The following ITGA9 variants were observed in gnomAD, a reference collection of about 807,000 sequenced individuals.
ITGA9 encodes integrin subunit alpha 9, also known as integrin alpha-9.
A neutral mutation model predicts 127.8 loss-of-function variants in ITGA9; 56 were observed. The ratio of observed to expected loss-of-function variants is 0.44; its 90% CI spans 0.35 to 0.55. The LOEUF (loss-of-function observed/expected upper bound fraction) is 0.55, where lower values mean the gene tolerates loss of function less well. ITGA9 is among the 20% of genes least tolerant of loss of function. The pLI is 0.00. For missense variants in ITGA9, 1,196 were observed against 1,347.1 expected, an observed-to-expected ratio of 0.89 and a Z score of 1.76; for synonymous variants, 508 against 514.5, an observed-to-expected ratio of 0.99 and a Z score of 0.17.
intron 15 of ITGA9, among the ~76,000 whole-genome samples, chr3:37,585,796 G>GC (rs3044748): frequency 0.36 from 54,104 of 151,840 alleles, 10,196 homozygotes; most frequent in African/African-American, 0.46. Context: ...GAAGAAGGGG[G>GC]CCCCCCCAAT....
chr3:37,760,593 A>G (rs1449793118), intron 23 of ITGA9, among the ~76,000 whole-genome samples: 1 of 152,252 alleles, frequency 6.6e-6, no homozygotes, highest in Non-Finnish European at 1.5e-5. Context: ...AAACTCTTCA[A>G]TAAATGATAT....
chr3:37,489,691 CTTTTTT>C (rs10579497), intron 4 of ITGA9, among the ~76,000 whole-genome samples: 4 of 132,268 alleles, frequency 3.0e-5, no homozygotes, highest in Non-Finnish European at 6.4e-5. Flanking sequence ...TATAATTGCC[CTTTTTT>C]TTTTTTTTTT....
chr3:37,676,314 C>T (rs1054651603), intron 17 of ITGA9, among the ~76,000 whole-genome samples: 3 of 152,166 alleles, frequency 2.0e-5, no homozygotes, highest in Non-Finnish European at 2.9e-5. Flanking sequence ...AAACTTAATT[C>T]AGACCAGCCA....
At chr3:37,727,534 A>G (rs1696227923) in intron 18 of ITGA9, among the ~76,000 whole-genome samples, 1 of 152,244 alleles carries the variant, frequency 6.6e-6, no homozygotes, top group Admixed American at 6.5e-5. Flanking sequence ...CACTCAAAAC[A>G]TTGTAATTAT....
chr3:37,623,385 A>C (rs779248031), intron 15 of ITGA9, among the ~76,000 whole-genome samples: 6 of 152,196 alleles, frequency 3.9e-5, no homozygotes, highest in Non-Finnish European at 7.3e-5. Flanking sequence ...CCAGAAATTC[A>C]GCTTAGAAAC....
At chr3:37,763,499 T>G (rs1295925981) in intron 23 of ITGA9, among the ~76,000 whole-genome samples, 1 of 152,236 alleles carries the variant, frequency 6.6e-6, no homozygotes, top group African/African-American at 2.4e-5. Flanking sequence ...GAAGTCTCCG[T>G]GTGTGTTCTC....
At chr3:37,506,199 G>A (rs1698842301) in intron 7 of ITGA9, 114 bp downstream of exon 7, 2 of 821,088 alleles carry the variant, frequency 2.4e-6, no homozygotes, top group South Asian at 2.9e-5. Context: ...TGGGTGGCTG[G>A]TGGGGAGGTG....
chr3:37,793,776 A>T (rs1326038294), intron 26 of ITGA9, among the ~76,000 whole-genome samples: 2 of 152,154 alleles, frequency 1.3e-5, no homozygotes, highest in Non-Finnish European at 2.9e-5. Flanking sequence ...CCTGATCTTG[A>T]CCTCGGAGTT....
chr3:37,519,148 C>A, intron 10 of ITGA9, 112 bp from the exon 11 acceptor site: 4 of 714,166 alleles, frequency 5.6e-6, no homozygotes, highest in Admixed American at 2.1e-5. Context: ...GAACAATCAA[C>A]AACCAATAAT....
chr3:37,815,461 T>C lies in ITGA9; in HGVS notation c.3010-3430T>C, dbSNP rs558987658. ...CCGTCTCTACTAAAAATATGAAAAT[T>C]AGCTGGGCAGGGTGGTACACGCCTG... On this transcript the variant is annotated intron_variant, in intron 27 of 27. Transcript: ENST00000264741. Among the ~76,000 whole-genome samples, 20 of 152,134 alleles carry C rather than the reference T, an allele frequency of 1.3e-4. No individual in the cohort carries two copies. In the East Asian group the frequency reaches 2.3e-3, roughly 18 times the overall value.
rs923677467 is a variant in ITGA9 at position 37,659,641 on chromosome 3, G to C, written c.1916+5851G>C. On this transcript the variant is annotated intron_variant, in intron 17 of 27. Coordinates refer to ENST00000264741, the MANE Select transcript of ITGA9 (RefSeq NM_002207.3). ...GGTTAGAACATGCTCCTTTAGCTCAGAGGAGTTTGTTATTACCCACCTTCT... is the reference window on the plus strand; with the variant it reads ...GGTTAGAACATGCTCCTTTAGCTCACAGGAGTTTGTTATTACCCACCTTCT... Among the ~76,000 whole-genome samples the C allele has an allele frequency of 2.0e-5, 3 of 151,988 alleles. 1 individual carries two copies. Among genetic ancestry groups the C allele is most frequent in the South Asian group, 4.2e-4 (2 of 4,812 alleles).
chr3:37,728,757 C>T (rs1040820962), intron 18 of ITGA9, among the ~76,000 whole-genome samples: 1 of 151,816 alleles, frequency 6.6e-6, no homozygotes, highest in Non-Finnish European at 1.5e-5. Flanking sequence ...TTCTCGGTGC[C>T]AGCAGCCTCA....
intron 18 of ITGA9, among the ~76,000 whole-genome samples, chr3:37,699,281 A>G (rs892513171): frequency 1.2e-4 from 18 of 152,202 alleles, no homozygotes; most frequent in African/African-American, 3.4e-4. Flanking sequence ...TTGGGTACCA[A>G]ATTGCCTGTT....
intron 15 of ITGA9, among the ~76,000 whole-genome samples, chr3:37,577,041 A>T (rs749311200): frequency 4.5e-4 from 68 of 152,174 alleles, no homozygotes; most frequent in Non-Finnish European, 8.5e-4. Flanking sequence ...TCCCCTCAGG[A>T]CCCATCCTTG....
chr3:37,588,211 C>T (rs572032595), intron 15 of ITGA9, among the ~76,000 whole-genome samples: 2 of 152,342 alleles, frequency 1.3e-5, no homozygotes, highest in Non-Finnish European at 2.9e-5. Context: ...CCTACCTTGA[C>T]AAATATACCT....
At chr3:37,516,159 A>AG (rs1047694754) in intron 9 of ITGA9, among the ~76,000 whole-genome samples, 26 of 152,178 alleles carry the variant, frequency 1.7e-4, no homozygotes, top group Non-Finnish European at 7.4e-5. Context: ...GAACTCCCCC[A>AG]GGCCTCCACT....
rs147789965 is a variant in ITGA9 at position 37,589,021 on chromosome 3, G to T, written c.1690-40166G>T. Reference sequence around the variant, plus strand: ...CACAAAGCTGTAGCTTTGGAAACAGGCTGTGGTGCATATCTTAGCAGCCCC... The same window carrying T: ...CACAAAGCTGTAGCTTTGGAAACAGTCTGTGGTGCATATCTTAGCAGCCCC... On this transcript the variant is annotated intron_variant, in intron 15 of 27. Coordinates refer to ENST00000264741, the MANE Select transcript of ITGA9 (RefSeq NM_002207.3). Among the ~76,000 whole-genome samples the T allele has an allele frequency of 2.0e-5, 3 of 152,334 alleles. No homozygotes were observed. In the East Asian group the frequency reaches 5.8e-4, roughly 29 times the overall value.
chr3:37,817,595 C>G (rs1225332213), intron 27 of ITGA9, among the ~76,000 whole-genome samples: 1 of 152,270 alleles, frequency 6.6e-6, no homozygotes, highest in Non-Finnish European at 1.5e-5. Context: ...TATTTGTACA[C>G]CCGATACAGT....
intron 19 of ITGA9, among the ~76,000 whole-genome samples, chr3:37,735,711 G>A (rs1318884500): frequency 6.6e-6 from 1 of 152,182 alleles, no homozygotes; most frequent in Non-Finnish European, 1.5e-5. Context: ...TGCCTGACAT[G>A]TATATGGTGA....
Sources: gnomAD v4.1 joint callset for allele counts (sites outside exome capture counted in the v4.1 genomes callset) on GRCh38, gnomAD v4.1.1 for gene constraint, MANE v1.5 for transcripts, NCBI Gene and HGNC (gene_info 2026-07-23, HGNC 2026-07-21) for gene names.